NEK11: variants seen among roughly 807,000 people sequenced by gnomAD.
NEK11 encodes serine/threonine-protein kinase Nek11.
A neutral mutation model predicts 80.7 loss-of-function variants in NEK11; 72 were observed. The observed-to-expected ratio is 0.89, with a 90% CI of 0.74 to 1.08. The LOEUF is 1.08. NEK11 is among the 50% of genes least tolerant of loss of function. The pLI is 0.00. For synonymous variants in NEK11, 251 were observed against 260.7 expected, an observed-to-expected ratio of 0.96 and a Z score of 0.36; for missense variants, 764 against 763.6, an observed-to-expected ratio of 1.00 and a Z score of -0.01.
At chr3:131,052,493 TG>T (rs1450318460) in intron 3 of NEK11, among the ~76,000 whole-genome samples, 2 of 152,206 alleles carry the variant, frequency 1.3e-5, no homozygotes, top group African/African-American at 4.8e-5. Context: ...AGGGGTGTTT[TG>T]CTGGCAACAT....
chr3:131,291,677 A>C (rs1479302643), intron 17 of NEK11, among the ~76,000 whole-genome samples: 1 of 152,046 alleles, frequency 6.6e-6, no homozygotes, highest in Non-Finnish European at 1.5e-5. Context: ...TCATTGTCTT[A>C]ATTTGCATTT....
Position 131,208,126 on chromosome 3 carries a change from T to C in NEK11, c.1400-20402T>C, listed in dbSNP as rs186612881. 1.6e-4 allele frequency among the ~76,000 whole-genome samples: 25 copies of C among 152,360 alleles called. 1 individual carries two copies. The highest frequency in any genetic ancestry group is 1.3e-3 in the Admixed American group (20 of 15,308). ...CTAACATTTAGGTCTTTAATCCATCTTGCATTAATTTTTGTACAAGGTGTA... is the reference window on the plus strand; with the variant it reads ...CTAACATTTAGGTCTTTAATCCATCCTGCATTAATTTTTGTACAAGGTGTA... On this transcript the variant is annotated intron_variant, in intron 14 of 17. Coordinates refer to ENST00000383366, the MANE Select transcript of NEK11 (RefSeq NM_024800.5).
intron 14 of NEK11, among the ~76,000 whole-genome samples, chr3:131,222,256 T>A (rs751044479): frequency 5.9e-5 from 9 of 152,192 alleles, no homozygotes; most frequent in Non-Finnish European, 7.3e-5. Flanking sequence ...CATTAGCTTG[T>A]CTGAACCTTA....
At chr3:131,287,821 T>TA (rs1274890091) in intron 17 of NEK11, among the ~76,000 whole-genome samples, 2 of 152,182 alleles carry the variant, frequency 1.3e-5, no homozygotes, top group Admixed American at 6.5e-5. Context: ...AACGCTATTA[T>TA]ACCAGTAATA....
chr3:131,338,548 C>T (rs72993132), intron 17 of NEK11, among the ~76,000 whole-genome samples: 2,099 of 152,216 alleles, frequency 0.014, 31 homozygotes, highest in African/African-American at 0.044. Context: ...CATATGAATA[C>T]ATATAGCAAC....
At chr3:131,249,991 A>C (rs2095670202) in intron 16 of NEK11, among the ~76,000 whole-genome samples, 1 of 152,144 alleles carries the variant, frequency 6.6e-6, no homozygotes, top group South Asian at 2.1e-4. Flanking sequence ...TATCCACAAA[A>C]GTTTTTTAAA....
At chr3:131,119,949 C>CTT (rs2082072646) in intron 5 of NEK11, among the ~76,000 whole-genome samples, 1 of 152,180 alleles carries the variant, frequency 6.6e-6, no homozygotes, top group African/African-American at 2.4e-5. Context: ...CAGTCTGTGT[C>CTT]TTTTAATTGG....
chr3:131,173,601 G>A (rs931949667), intron 14 of NEK11, among the ~76,000 whole-genome samples: 1 of 150,938 alleles, frequency 6.6e-6, no homozygotes, highest in African/African-American at 2.4e-5. Flanking sequence ...GTGTGTTTTC[G>A]GTGGTGGTAG....
Position 131,170,753 on chromosome 3 carries a change from T to C in NEK11, c.1285-20T>C, listed in dbSNP as rs1164690055. On this transcript the variant is annotated intron_variant, in intron 13 of 17. Transcript: ENST00000383366. Reference sequence around the variant, plus strand: ...TTCCTTCTATCAGCATCTCATGAATTGTTAATTACCTTCCACAAGGAATCT... The same window carrying C: ...TTCCTTCTATCAGCATCTCATGAATCGTTAATTACCTTCCACAAGGAATCT... 1.2e-5 allele frequency: 18 copies of C among 1,464,804 alleles called. No individual in the cohort carries two copies. The highest frequency in any genetic ancestry group is 1.6e-5 in the Non-Finnish European group (17 of 1,043,784). 90.7% of individuals were successfully genotyped at this position (1,464,804 alleles called of 1,614,324 possible). A position where few individuals can be genotyped will look rare whatever the true frequency, so the allele number is the denominator to read the frequency against.
chr3:131,301,953 TG>T (rs2096665712), intron 17 of NEK11, among the ~76,000 whole-genome samples: 1 of 152,168 alleles, frequency 6.6e-6, no homozygotes, highest in African/African-American at 2.4e-5. Flanking sequence ...TTTATACATC[TG>T]GAAGAATTCA....
intron 4 of NEK11, among the ~76,000 whole-genome samples, chr3:131,088,520 T>C (rs1039113404): frequency 2.0e-5 from 3 of 152,200 alleles, no homozygotes; most frequent in African/African-American, 7.2e-5. Context: ...TTAGCTGTCA[T>C]ATGAATTTAT....
intron 8 of NEK11, 45 bp downstream of exon 8, chr3:131,152,582 C>A (rs749977039): frequency 6.2e-7 from 1 of 1,607,186 alleles, no homozygotes; most frequent in Admixed American, 1.7e-5. Flanking sequence ...TAAAGTTGTA[C>A]TTATATTTTA....
chr3:131,280,383 T>G (rs1389526910), intron 17 of NEK11, among the ~76,000 whole-genome samples: 1 of 151,868 alleles, frequency 6.6e-6, no homozygotes, highest in Non-Finnish European at 1.5e-5. Context: ...TTTTTAAGGC[T>G]TTTTTTTCCC....
chr3:131,339,090 A>C (rs867560622), intron 17 of NEK11, among the ~76,000 whole-genome samples: 3 of 152,332 alleles, frequency 2.0e-5, no homozygotes, highest in African/African-American at 7.2e-5. Flanking sequence ...TTGAAAAACA[A>C]GTTTTCTTCT....
At chr3:131,263,637 C>T (rs2095979914) in intron 16 of NEK11, among the ~76,000 whole-genome samples, 1 of 152,092 alleles carries the variant, frequency 6.6e-6, no homozygotes, top group Non-Finnish European at 1.5e-5. Context: ...GGGTTGGTTC[C>T]AAGTCTTTGT....
chr3:131,121,567 A>G (rs1578622201), intron 5 of NEK11, among the ~76,000 whole-genome samples: 1 of 152,164 alleles, frequency 6.6e-6, no homozygotes, highest in East Asian at 1.9e-4. Flanking sequence ...TTGTTCAGCT[A>G]TGCCCTGCCC....
chr3:131,236,301 C>G (rs923656380), intron 15 of NEK11, among the ~76,000 whole-genome samples: 1 of 152,136 alleles, frequency 6.6e-6, no homozygotes, highest in African/African-American at 2.4e-5. Context: ...GAGTACAGGC[C>G]TCACCAGTTC....
intron 4 of NEK11, among the ~76,000 whole-genome samples, chr3:131,102,485 A>G (rs1400634523): frequency 1.3e-5 from 2 of 152,176 alleles, no homozygotes; most frequent in African/African-American, 4.8e-5. Flanking sequence ...CTTTTATTTA[A>G]GAGTGCTGAA....
intron 5 of NEK11, among the ~76,000 whole-genome samples, chr3:131,130,427 T>G (rs1043244382): frequency 6.6e-6 from 1 of 152,188 alleles, no homozygotes; most frequent in African/African-American, 2.4e-5. Context: ...CCTTTTACAC[T>G]TCCTTTTCTT....
Sources: gnomAD v4.1 joint callset for allele counts (sites outside exome capture counted in the v4.1 genomes callset) on GRCh38, gnomAD v4.1.1 for gene constraint, MANE v1.5 for transcripts, NCBI Gene and HGNC (gene_info 2026-07-23, HGNC 2026-07-21) for gene names.